SRP54: variants seen among roughly 807,000 people sequenced by gnomAD.
SRP54 encodes the protein signal recognition particle 54.
In SRP54, 10 loss-of-function variants were observed where a neutral mutation model predicts 64.8. The ratio of observed to expected loss-of-function variants is 0.15; its 90% CI spans 0.10 to 0.26. The LOEUF (loss-of-function observed/expected upper bound fraction) is 0.26. SRP54 is among the 10% of genes least tolerant of loss of function. The probability of loss-of-function intolerance (pLI) is 1.00; values close to 1 mark genes in which losing one functional copy is unlikely to be tolerated. For missense variants in SRP54, 325 were observed against 613.7 expected (o/e 0.53, Z 4.97); for synonymous variants, 193 against 185.6 (o/e 1.04, Z -0.32).
At chr14:34,987,613 C>T (rs2043919916) in intron 1 of SRP54, among the ~76,000 whole-genome samples, 1 of 152,032 alleles carries the variant, frequency 6.6e-6, no homozygotes, top group South Asian at 2.1e-4. Context: ...TTCAGTACTT[C>T]ATTTCTTTTT....
chr14:34,996,063 TCA>T (rs2044067960), intron 1 of SRP54, among the ~76,000 whole-genome samples: 1 of 83,936 alleles, frequency 1.2e-5, no homozygotes, highest in African/African-American at 3.6e-5. Context: ...AGACCCTGTC[TCA>T]AAAAAAAAAA....
At chr14:35,001,917 T>C (rs1393412781) in intron 4 of SRP54, among the ~76,000 whole-genome samples, 1 of 152,006 alleles carries the variant, frequency 6.6e-6, no homozygotes, top group East Asian at 1.9e-4. Context: ...AAAATTATTT[T>C]AGTCCAGGCA....
chr14:35,010,219 G>T (rs1489805426), intron 7 of SRP54, among the ~76,000 whole-genome samples: 1 of 152,014 alleles, frequency 6.6e-6, no homozygotes, highest in Non-Finnish European at 1.5e-5. Flanking sequence ...AGGCTTAGGC[G>T]GGTGGATCAC....
At position 35,013,987 on chromosome 14, in the gene SRP54, A is replaced by C. The variant is rs553738845; in HGVS notation, c.886+85A>C. 72 of 984,944 alleles carry C rather than the reference A, an allele frequency of 7.3e-5. No homozygotes were observed. The African/African-American group carries it at 1.1e-3, about 15-fold the overall frequency. The allele number at this position is 984,944 out of a possible 1,614,324, so 61.0% of individuals were successfully genotyped here. On this transcript the variant is annotated intron_variant, in intron 10 of 15. Transcript: ENST00000216774. The stretch of plus-strand genomic sequence containing the variant: ...AAAATAGGATTTTAATTCTGTCCTC[A>C]CTAATTTAAGCACATCATTTCTTTC...
intron 10 of SRP54, among the ~76,000 whole-genome samples, 191 bp downstream of exon 10, chr14:35,014,093 A>G (rs2044398440): frequency 6.6e-6 from 1 of 152,106 alleles, no homozygotes; most frequent in African/African-American, 2.4e-5. Flanking sequence ...TGAGGTATCT[A>G]GTAGAAAGTT....
chr14:34,994,056 C>T (rs1405286883), intron 1 of SRP54, among the ~76,000 whole-genome samples: 6 of 151,764 alleles, frequency 4.0e-5, no homozygotes, highest in Admixed American at 6.6e-5. Context: ...TGCAGTGGCG[C>T]GATCTCAGCT....
intron 8 of SRP54, among the ~76,000 whole-genome samples, chr14:35,012,874 C>G (rs1280142786): frequency 6.6e-6 from 1 of 151,260 alleles, no homozygotes; most frequent in African/African-American, 2.4e-5. Flanking sequence ...TAGATGGTAC[C>G]TGATAATACA....
intron 13 of SRP54, among the ~76,000 whole-genome samples, chr14:35,021,771 AT>A (rs1237828064): frequency 6.6e-6 from 1 of 152,242 alleles, no homozygotes; most frequent in Admixed American, 6.5e-5. Context: ...GTATAACAGA[AT>A]GGCATAGACA....
At chr14:35,005,248 G>A (rs1271459148) in intron 4 of SRP54, among the ~76,000 whole-genome samples, 2 of 152,124 alleles carry the variant, frequency 1.3e-5, no homozygotes, top group African/African-American at 4.8e-5. Context: ...TGGTAGGATC[G>A]CTTGAGTCCA....
At chr14:35,006,704 G>A (rs969358708) in intron 4 of SRP54, among the ~76,000 whole-genome samples, 1 of 152,026 alleles carries the variant, frequency 6.6e-6, no homozygotes, top group Non-Finnish European at 1.5e-5. Context: ...GCTTAAATTT[G>A]GTTTCACATT....
At chr14:34,989,509 T>G (rs988823497) in intron 1 of SRP54, among the ~76,000 whole-genome samples, 1 of 152,174 alleles carries the variant, frequency 6.6e-6, no homozygotes, top group African/African-American at 2.4e-5. Context: ...TATGTTGTAA[T>G]AGGATTTGAC....
chr14:34,992,799 A>T (rs1359636786), intron 1 of SRP54, among the ~76,000 whole-genome samples: 6 of 152,142 alleles, frequency 3.9e-5, no homozygotes, highest in South Asian at 2.1e-4. Flanking sequence ...TAAATTAATT[A>T]AAAAAATTAA....
Position 34,996,790 on chromosome 14 carries a change from A to G in SRP54, c.78+3A>G, listed in dbSNP as rs758336240. On this transcript the variant is annotated splice_donor_region_variant and intron_variant, in intron 2 of 15. Coordinates refer to ENST00000216774, the MANE Select transcript of SRP54 (RefSeq NM_003136.4). ...ATGCCACCATTATCAATGAAGAGGT[A>G]TGTAAAATATTGTATGAAATATATA... 16 of 1,593,392 alleles carry G rather than the reference A, an allele frequency of 1.0e-5. No homozygotes were observed. The East Asian group carries it at 2.9e-4, about 29-fold the overall frequency.
At chr14:34,997,885 C>T (rs183733488) in intron 2 of SRP54, among the ~76,000 whole-genome samples, 2 of 151,920 alleles carry the variant, frequency 1.3e-5, no homozygotes, top group South Asian at 2.1e-4. Flanking sequence ...ATATATAAAA[C>T]GACTTTCCAA....
At chr14:35,026,948 C>T (rs1595018865) in intron 14 of SRP54, among the ~76,000 whole-genome samples, 1 of 150,744 alleles carries the variant, frequency 6.6e-6, no homozygotes, top group Non-Finnish European at 1.5e-5. Context: ...ATCTCAAAAA[C>T]AAAACAAAAC....
intron 10 of SRP54, among the ~76,000 whole-genome samples, chr14:35,014,422 C>T (rs1220682307): frequency 1.3e-5 from 2 of 151,942 alleles, no homozygotes; most frequent in African/African-American, 4.8e-5. Context: ...GGATTACAGG[C>T]GTGCACCACC....
chr14:34,996,643 T>A, intron 1 of SRP54, 34 bp from the exon 2 acceptor site: 1 of 1,074,730 alleles, frequency 9.3e-7, no homozygotes. Context: ...GAAGTGAAAT[T>A]GATTATTCTC....
intron 1 of SRP54, among the ~76,000 whole-genome samples, 154 bp downstream of exon 1, chr14:34,983,369 C>T (rs1159464639): frequency 1.4e-5 from 2 of 147,800 alleles, no homozygotes; most frequent in East Asian, 2.0e-4. Context: ...TTTATCTCGT[C>T]TTCCATGAGA....
chr14:34,989,822 T>G (rs180811850), intron 1 of SRP54, among the ~76,000 whole-genome samples: 2 of 152,142 alleles, frequency 1.3e-5, no homozygotes, highest in Admixed American at 1.3e-4. Context: ...ATATGCTAGG[T>G]TTTTGAAGAC....
Sources: allele counts gnomAD v4.1 joint callset (sites outside exome capture counted in the v4.1 genomes callset), GRCh38; gene constraint gnomAD v4.1.1; transcripts MANE v1.5; gene names NCBI Gene and HGNC (gene_info 2026-07-23, HGNC 2026-07-21).